The following INO80D variants were observed in gnomAD, a reference collection of about 807,000 sequenced individuals.
INO80D encodes INO80 complex subunit D.
In INO80D, 21 loss-of-function variants were observed where a neutral mutation model predicts 87.6. The observed-to-expected ratio is 0.24, with a 90% CI of 0.17 to 0.35. The LOEUF (loss-of-function observed/expected upper bound fraction) is 0.35, where lower values mean the gene tolerates loss of function less well. INO80D is among the 10% of genes least tolerant of loss of function. INO80D has a pLI of 1.00. For missense variants in INO80D, 982 were observed against 1,280.7 expected (o/e 0.77, Z 3.56); for synonymous variants, 440 against 491.0 (o/e 0.90, Z 1.37).
intron 8 of INO80D, 124 bp from the exon 9 acceptor site, chr2:206,009,918 C>T (rs892656201): frequency 1.5e-6 from 1 of 686,240 alleles, no homozygotes. Flanking sequence ...ATGCCCAAAA[C>T]TATGTATAAC....
chr2:206,045,024 A>G (rs781752848), intron 5 of INO80D, among the ~76,000 whole-genome samples: 1 of 152,204 alleles, frequency 6.6e-6, no homozygotes, highest in Non-Finnish European at 1.5e-5. Flanking sequence ...AAGGTATAAC[A>G]TTCTCCAATA....
intron 5 of INO80D, among the ~76,000 whole-genome samples, chr2:206,032,620 C>T (rs1321242601): frequency 6.6e-6 from 1 of 152,200 alleles, no homozygotes; most frequent in Admixed American, 6.5e-5. Context: ...CAGCAGATTT[C>T]TCAAGAGAAA....
rs201189094 is a variant in INO80D, at chr2:206,051,499, T to TG, written c.964+4698dup. Among the ~76,000 whole-genome samples, 27 of 152,182 alleles carry TG rather than the reference T, an allele frequency of 1.8e-4. No individual in the cohort carries two copies. In the East Asian group the frequency reaches 3.5e-3, roughly 20 times the overall value. ...AAAATAAATATATGGATGGAAGAAG[T>TG]GAAAGGCAAAATAAACAAAATGTCC... On this transcript the variant is annotated intron_variant, in intron 4 of 10. Transcript: ENST00000403263.
At chr2:206,083,579 C>T (rs1690342277) in intron 1 of INO80D, among the ~76,000 whole-genome samples, 1 of 152,002 alleles carries the variant, frequency 6.6e-6, no homozygotes, top group African/African-American at 2.4e-5. Flanking sequence ...GCTAAATGAC[C>T]GGATATCTAT....
At chr2:206,020,833 A>G (rs561657328) in intron 6 of INO80D, among the ~76,000 whole-genome samples, 159 of 152,210 alleles carry the variant, frequency 1.0e-3, no homozygotes, top group Non-Finnish European at 1.7e-3. Flanking sequence ...TTACACAAAC[A>G]TATAAAAACA....
chr2:206,061,909 A>G (rs1233517426), intron 3 of INO80D, among the ~76,000 whole-genome samples: 1 of 152,214 alleles, frequency 6.6e-6, no homozygotes, highest in Non-Finnish European at 1.5e-5. Flanking sequence ...AAGTATCTTG[A>G]AACTTTTGGA....
chr2:206,013,842 T>G (rs1376524450), intron 8 of INO80D, among the ~76,000 whole-genome samples: 1 of 118,102 alleles, frequency 8.5e-6, no homozygotes, highest in Non-Finnish European at 1.8e-5. Flanking sequence ...AAAGCCTGAG[T>G]AAGCTTAAAA....
intron 5 of INO80D, among the ~76,000 whole-genome samples, chr2:206,045,503 G>C (rs1035784943): frequency 2.0e-5 from 3 of 152,164 alleles, no homozygotes; most frequent in African/African-American, 7.2e-5. Context: ...ACTGTACCAA[G>C]TGAATCTGTA....
intron 8 of INO80D, among the ~76,000 whole-genome samples, chr2:206,014,436 G>C (rs1240310951): frequency 6.6e-6 from 1 of 152,108 alleles, no homozygotes; most frequent in African/African-American, 2.4e-5. Flanking sequence ...ACTGAACTAT[G>C]GGGGCAGGTC....
Position 206,033,177 on chromosome 2 carries a change from G to A in INO80D, c.1074-4842C>T, listed in dbSNP as rs955347319. Among the ~76,000 whole-genome samples, 8 of 152,290 alleles carry A rather than the reference G, an allele frequency of 5.3e-5. No individual in the cohort carries two copies. In the Middle Eastern group the frequency reaches 0.014, roughly 259 times the overall value. On this transcript the variant is annotated intron_variant, in intron 5 of 10. Coordinates refer to ENST00000403263, the MANE Select transcript of INO80D (RefSeq NM_017759.5). ...TGGACACCAAAAGCAAGTAGGGGTA[G>A]CTATTCTTATATCAGACAAAACAAA...
chr2:206,009,321 G>A (rs1303790911), intron 9 of INO80D, among the ~76,000 whole-genome samples: 3 of 148,884 alleles, frequency 2.0e-5, no homozygotes, highest in Non-Finnish European at 4.5e-5. Context: ...AAAAAAAAAT[G>A]TTTTTTAAGT....
chr2:206,050,638 G>A (rs183445609), intron 4 of INO80D, among the ~76,000 whole-genome samples: 23 of 139,638 alleles, frequency 1.6e-4, no homozygotes, highest in South Asian at 4.7e-4. Flanking sequence ...AGATGATGCC[G>A]GTAAGTGTTG....
Position 206,007,388 on chromosome 2 carries a change from T to A in INO80D, c.1814A>T (p.Asn605Ile). 1 of 1,613,740 alleles carries A rather than the reference T, an allele frequency of 6.2e-7. No homozygotes were observed. Among genetic ancestry groups the A allele is most frequent in the Non-Finnish European group, 8.5e-7 (1 of 1,179,808 alleles). The change falls in exon 10 of 11, where the codon AAT becomes ATT. Residue 605 changes from asparagine to isoleucine, a missense_variant. Transcript: ENST00000403263. ...GTCATGTGGAATGTCAGTGATCTCA[T>A]TGGCAATGTCATCCGGCAACTCATC... ...SADELPDDIA[N>I]EITDIPHDLE...
At chr2:206,055,916 A>G (rs892472777) in intron 4 of INO80D, among the ~76,000 whole-genome samples, 8 of 152,234 alleles carry the variant, frequency 5.3e-5, no homozygotes, top group Admixed American at 6.5e-5. Context: ...GAATGTACAT[A>G]GGTTATGTGC....
At chr2:206,009,417 T>C (rs995793649) in intron 9 of INO80D, among the ~76,000 whole-genome samples, 160 bp downstream of exon 9, 3 of 152,244 alleles carry the variant, frequency 2.0e-5, no homozygotes, top group Non-Finnish European at 2.9e-5. Context: ...CAGCCAGATA[T>C]AGGTAAAATT....
At chr2:206,081,133 G>A (rs1690270922) in intron 1 of INO80D, among the ~76,000 whole-genome samples, 1 of 152,082 alleles carries the variant, frequency 6.6e-6, no homozygotes, top group Non-Finnish European at 1.5e-5. Context: ...ATCAGATTAA[G>A]TAATTGTCAT....
rs1183606071 is a variant in INO80D at position 205,996,982 on chromosome 2, G to C, written c.*7386C>G. 6.6e-6 allele frequency: 1 copy of C among 151,874 alleles called. No individual in the cohort carries two copies. Among genetic ancestry groups the C allele is most frequent in the Non-Finnish European group, 1.5e-5 (1 of 67,920 alleles). The allele number at this position is 151,874 out of a possible 1,614,324, so 9.4% of individuals were successfully genotyped here. A position where few individuals can be genotyped will look rare whatever the true frequency, so the allele number is the denominator to read the frequency against. On this transcript the variant is annotated 3_prime_UTR_variant, in exon 11 of 11. Transcript: ENST00000403263. The stretch of plus-strand genomic sequence containing the variant: ...GCTGCAAAAATACAACTGTAGAAAA[G>C]AACAGCATATAGAGCTTTCCTAGAT...
Position 206,085,927 on chromosome 2 carries a change from T to TC in INO80D, c.-151dup, listed in dbSNP as rs1238281054. Reference sequence around the variant, plus strand: ...TTTCAGCTGCTTTTTTTTTTCTCCTTCCCCCCTGTTCCCTCGGCTGGGCTG... The same window carrying TC: ...TTTCAGCTGCTTTTTTTTTTCTCCTTCCCCCCCTGTTCCCTCGGCTGGGCTG... On this transcript the variant is annotated 5_prime_UTR_variant, in exon 1 of 11. Coordinates refer to ENST00000403263, the MANE Select transcript of INO80D (RefSeq NM_017759.5). The surrounding 1 kb of genome is among the most constrained non-coding windows in gnomAD (Gnocchi z 4.5). 2.7e-5 allele frequency: 4 copies of TC among 150,634 alleles called. No homozygotes were observed. The highest frequency in any genetic ancestry group is 1.3e-4 in the Admixed American group (2 of 15,122). The allele number at this position is 150,634 out of a possible 1,614,324, so 9.3% of individuals were successfully genotyped here.
intron 4 of INO80D, among the ~76,000 whole-genome samples, chr2:206,049,172 G>A (rs768773086): frequency 3.9e-5 from 6 of 152,178 alleles, no homozygotes; most frequent in Non-Finnish European, 8.8e-5. Flanking sequence ...GCCAAATAGG[G>A]AAATTAAGAA....
Sources: gnomAD v4.1 joint callset for allele counts (sites outside exome capture counted in the v4.1 genomes callset) on GRCh38, gnomAD v4.1.1 for gene constraint, Gnocchi (gnomAD v3.1) non-coding constraint, MANE v1.5 for transcripts, NCBI Gene and HGNC (gene_info 2026-07-23, HGNC 2026-07-21) for gene names.